HS3ST5: variants seen among roughly 807,000 people sequenced by gnomAD.
The protein encoded by HS3ST5 is heparan sulfate glucosamine 3-O-sulfotransferase 5.
In HS3ST5, 10 loss-of-function variants were observed where a neutral mutation model predicts 25.4. The observed-to-expected ratio is 0.39, with a 90% CI of 0.24 to 0.67. The LOEUF (loss-of-function observed/expected upper bound fraction) is 0.67. Among genes scored for constraint, HS3ST5 ranks in the 30% least tolerant of loss-of-function variants. HS3ST5 has a pLI of 0.44. For missense variants in HS3ST5, 324 were observed against 420.7 expected (o/e 0.77, Z 2.01); for synonymous variants, 170 against 162.4 (o/e 1.05, Z -0.36).
intron 2 of HS3ST5, among the ~76,000 whole-genome samples, chr6:114,176,602 A>G (rs2115014928): frequency 6.6e-6 from 1 of 152,204 alleles, no homozygotes; most frequent in South Asian, 2.1e-4. Flanking sequence ...ATTCAACTCA[A>G]CTCCATGGGG....
chr6:114,323,656 G>A (rs912444787), intron 1 of HS3ST5, among the ~76,000 whole-genome samples: 1 of 152,074 alleles, frequency 6.6e-6, no homozygotes, highest in African/African-American at 2.4e-5. Flanking sequence ...GCATGTTACG[G>A]GTTTAATATG....
At chr6:114,243,328 G>C (rs1215226559) in intron 1 of HS3ST5, among the ~76,000 whole-genome samples, 1 of 152,174 alleles carries the variant, frequency 6.6e-6, no homozygotes, top group East Asian at 1.9e-4. Flanking sequence ...ACTGAACTGA[G>C]TGGACAGTAT....
In HS3ST5 at chr6:114,057,526, G is replaced by A; in HGVS notation, c.772C>T (p.Leu258Phe). 6.2e-7 allele frequency: 1 copy of A among 1,614,184 alleles called. No individual in the cohort carries two copies. Among genetic ancestry groups the A allele is most frequent in the Non-Finnish European group, 8.5e-7 (1 of 1,180,036 alleles). ...AGTTCTGGCAGAGGTTCCGTGATGA[G>A]GCGATCTCCATCGACGACATGAAAT... ...EQFHVVDGDR[L>F]ITEPLPELQL... Residue 258 changes from leucine to phenylalanine, a missense_variant, in exon 5 of 5, where the codon CTC becomes TTC. Transcript: ENST00000312719.
At chr6:114,200,803 A>C (rs931428205) in intron 2 of HS3ST5, among the ~76,000 whole-genome samples, 1 of 152,202 alleles carries the variant, frequency 6.6e-6, no homozygotes, top group Non-Finnish European at 1.5e-5. Flanking sequence ...ACAAAATAAC[A>C]AGTTTCTTTA....
At chr6:114,103,857 A>ATTTTTTTTTTTTTTTTTTTTTTTT (rs71553394) in intron 3 of HS3ST5, among the ~76,000 whole-genome samples, 2 of 107,148 alleles carry the variant, frequency 1.9e-5, no homozygotes, top group South Asian at 3.2e-4. Context: ...CACCTGGCTA[A>ATTTTTTTTTTTTTTTTTTTTTTTT]TTTTTTTTTT....
chr6:114,288,268 C>G (rs1411801890), intron 1 of HS3ST5, among the ~76,000 whole-genome samples: 1 of 152,030 alleles, frequency 6.6e-6, no homozygotes, highest in Admixed American at 6.6e-5. Flanking sequence ...GGAGAGATAA[C>G]CAAAGGGCAA....
intron 2 of HS3ST5, among the ~76,000 whole-genome samples, chr6:114,172,547 AG>A (rs1237642140): frequency 6.6e-6 from 1 of 152,258 alleles, no homozygotes; most frequent in Non-Finnish European, 1.5e-5. Context: ...GTAAAAATAC[AG>A]GCACATCTGC....
intron 1 of HS3ST5, among the ~76,000 whole-genome samples, chr6:114,288,274 G>A (rs1462657873): frequency 6.6e-6 from 1 of 151,862 alleles, no homozygotes; most frequent in Non-Finnish European, 1.5e-5. Context: ...ATAACCAAAG[G>A]GCAATTATTG....
intron 3 of HS3ST5, among the ~76,000 whole-genome samples, chr6:114,156,878 A>T (rs1778723725): frequency 6.6e-6 from 1 of 152,018 alleles, no homozygotes; most frequent in South Asian, 2.1e-4. Flanking sequence ...GCTCTGTTCT[A>T]GGCCTTTCTC....
At chr6:114,308,387 C>T (rs922500315) in intron 1 of HS3ST5, among the ~76,000 whole-genome samples, 3 of 152,006 alleles carry the variant, frequency 2.0e-5, no homozygotes, top group East Asian at 1.9e-4. Flanking sequence ...AGATCGAGAC[C>T]GTCATGGCTA....
chr6:114,176,877 C>G (rs915090200), intron 2 of HS3ST5, among the ~76,000 whole-genome samples: 4 of 152,144 alleles, frequency 2.6e-5, no homozygotes, highest in Non-Finnish European at 4.4e-5. Flanking sequence ...CTGGTCTGTT[C>G]CCCAGGTGAT....
chr6:114,098,852 G>A (rs1775582128), intron 3 of HS3ST5, among the ~76,000 whole-genome samples: 1 of 151,886 alleles, frequency 6.6e-6, no homozygotes, highest in Non-Finnish European at 1.5e-5. Context: ...TTAAAAATAT[G>A]TACATACACA....
In HS3ST5 at chr6:114,162,077, GTTA is replaced by G. The variant is rs373902331; in HGVS notation, c.-33+6271_-33+6273del. Among the ~76,000 whole-genome samples the G allele has an allele frequency of 6.2e-4, 94 of 152,082 alleles. 1 individual carries two copies. The South Asian group carries it at 0.018, about 29-fold the overall frequency. Reference sequence around the variant, plus strand: ...ATTGTGCTGCCATTCTGTATCTGCAGTTATTATTATTGTGACATAAAGATAAAA... The same window carrying G: ...ATTGTGCTGCCATTCTGTATCTGCAGTTATTATTGTGACATAAAGATAAAA... On this transcript the variant is annotated intron_variant, in intron 3 of 4. Coordinates refer to ENST00000312719, the MANE Select transcript of HS3ST5 (RefSeq NM_153612.4).
chr6:114,275,466 T>A (rs1371966909), intron 1 of HS3ST5, among the ~76,000 whole-genome samples: 3 of 152,030 alleles, frequency 2.0e-5, no homozygotes, highest in Non-Finnish European at 2.9e-5. Flanking sequence ...AAAAAGGGAA[T>A]GATTTAAGTG....
intron 1 of HS3ST5, among the ~76,000 whole-genome samples, chr6:114,249,219 A>G (rs1772528223): frequency 1.3e-5 from 2 of 152,322 alleles, no homozygotes; most frequent in African/African-American, 4.8e-5. Flanking sequence ...TGTTTCTTTT[A>G]TTAATAGAGA....
At chr6:114,254,972 C>A (rs989442362) in intron 1 of HS3ST5, among the ~76,000 whole-genome samples, 1 of 152,164 alleles carries the variant, frequency 6.6e-6, no homozygotes, top group African/African-American at 2.4e-5. Flanking sequence ...TAAAACCAAT[C>A]ATGCCTTCCC....
chr6:114,062,880 G>A lies in HS3ST5; in HGVS notation c.-32-3C>T. 2 of 1,529,180 alleles carry A rather than the reference G, an allele frequency of 1.3e-6. No homozygotes were observed. Among genetic ancestry groups the A allele is most frequent in the Non-Finnish European group, 1.8e-6 (2 of 1,103,594 alleles). 94.7% of individuals were successfully genotyped at this position (1,529,180 alleles called of 1,614,324 possible). On this transcript the variant is annotated splice_region_variant and splice_polypyrimidine_tract_variant and intron_variant, in intron 3 of 4. Transcript: ENST00000312719. ...TCAACCTTCAGGACTGCTGCAGCCT[G>A]CGATAGAAGGACTCATCAGCAGCCA...
At chr6:114,078,837 C>T (rs974013016) in intron 3 of HS3ST5, among the ~76,000 whole-genome samples, 8 of 152,156 alleles carry the variant, frequency 5.3e-5, no homozygotes, top group African/African-American at 1.9e-4. Context: ...GTAGTATAGG[C>T]ACACCTTGGA....
chr6:114,267,263 T>C (rs765552395), intron 1 of HS3ST5, among the ~76,000 whole-genome samples: 3 of 152,228 alleles, frequency 2.0e-5, no homozygotes, highest in Non-Finnish European at 4.4e-5. Flanking sequence ...TAAGAAAAGG[T>C]ACCCATTTTA....
Sources: gnomAD v4.1 joint callset for allele counts (sites outside exome capture counted in the v4.1 genomes callset) on GRCh38, gnomAD v4.1.1 for gene constraint, MANE v1.5 for transcripts, NCBI Gene and HGNC (gene_info 2026-07-23, HGNC 2026-07-21) for gene names.